Variants in PLA2G2F observed in about 807,000 individuals in gnomAD.
The protein encoded by PLA2G2F is phospholipase A2 group IIF.
Under a neutral mutation model 15.9 loss-of-function variants are expected in PLA2G2F, and 17 were observed. That is an observed-to-expected ratio of 1.07 (90% CI 0.73 to 1.60). The LOEUF (loss-of-function observed/expected upper bound fraction) is 1.60. Ranked by LOEUF, PLA2G2F falls within the 40% of genes most tolerant of loss-of-function variation. The probability of loss-of-function intolerance (pLI) is 0.00; values close to 1 mark genes in which losing one functional copy is unlikely to be tolerated. For synonymous variants in PLA2G2F, 119 were observed against 106.5 expected, an observed-to-expected ratio of 1.12 and a Z score of -0.72; for missense variants, 299 against 278.2, an observed-to-expected ratio of 1.07 and a Z score of -0.53.
intron 4 of PLA2G2F, among the ~76,000 whole-genome samples, chr1:20,147,957 C>G (rs1352549817): frequency 6.6e-6 from 1 of 152,118 alleles, no homozygotes; most frequent in Non-Finnish European, 1.5e-5. Context: ...TTACTATGCA[C>G]CAGAGTCCCC....
Position 20,145,603 on chromosome 1 carries a change from T to A in PLA2G2F, c.424+914T>A, listed in dbSNP as rs72970763. Among the ~76,000 whole-genome samples, 1,453 of 145,664 alleles carry A rather than the reference T, an allele frequency of 1.0e-2. 20 individuals are homozygous for A. Among genetic ancestry groups the A allele is most frequent in the African/African-American group, 0.034 (1,349 of 39,634 alleles). On this transcript the variant is annotated intron_variant, in intron 4 of 4. Coordinates refer to ENST00000375102, the MANE Select transcript of PLA2G2F (RefSeq NM_022819.4). ...CCAAACATGTACTGTTTACCTGAAATTTTAATTAATTAATTAATTAATTAA... is the reference window on the plus strand; with the variant it reads ...CCAAACATGTACTGTTTACCTGAAAATTTAATTAATTAATTAATTAATTAA...
intron 4 of PLA2G2F, among the ~76,000 whole-genome samples, chr1:20,147,691 C>A (rs1355552363): frequency 6.6e-6 from 1 of 152,150 alleles, no homozygotes; most frequent in Non-Finnish European, 1.5e-5. Context: ...CTCAGGTGAT[C>A]CACCTGTCTT....
chr1:20,145,406 C>T (rs1219395292), intron 4 of PLA2G2F, among the ~76,000 whole-genome samples: 2 of 151,778 alleles, frequency 1.3e-5, no homozygotes, highest in African/African-American at 4.8e-5. Context: ...TTCAGCCTCC[C>T]AAGTAGCTGG....
At position 20,148,225 on chromosome 1, in the gene PLA2G2F, T is replaced by C. The variant is rs2017652154; in HGVS notation, c.460T>C (p.Cys154Arg). The C allele has an allele frequency of 3.1e-6, 5 of 1,613,786 alleles. No individual in the cohort carries two copies. The African/African-American group carries it at 4.0e-5, about 13-fold the overall frequency. ...CAAGACAGAGTGTGACAAGCAGACATGCATGTGTGACAAGAACATGGTTCT... is the reference window on the plus strand; with the variant it reads ...CAAGACAGAGTGTGACAAGCAGACACGCATGTGTGACAAGAACATGGTTCT... ...LNKTECDKQT[C>R]MCDKNMVLCL... The change falls in exon 5 of 5, where the codon TGC becomes CGC. Residue 154 changes from cysteine (C) to arginine (R), a missense_variant. Cys to Arg is a radical substitution (Grantham distance 180). Coordinates refer to ENST00000375102, the MANE Select transcript of PLA2G2F (RefSeq NM_022819.4).
In PLA2G2F at chr1:20,148,422, G is replaced by C. The variant is rs373759433; in HGVS notation, c.*21G>C. On this transcript the variant is annotated 3_prime_UTR_variant, in exon 5 of 5. Coordinates refer to ENST00000375102, the MANE Select transcript of PLA2G2F (RefSeq NM_022819.4). Reference sequence around the variant, plus strand: ...CCTAGAGCCTCTGAGGTTTGAGAGAGAGAGCGGGAGGAGGGTCTGGCTTGG... The same window carrying C: ...CCTAGAGCCTCTGAGGTTTGAGAGACAGAGCGGGAGGAGGGTCTGGCTTGG... 1.9e-6 allele frequency: 3 copies of C among 1,590,962 alleles called. No individual in the cohort carries two copies. The South Asian group carries it at 3.3e-5, about 18-fold the overall frequency.
At chr1:20,140,278 C>A (rs2017432580) in intron 2 of PLA2G2F, 60 bp downstream of exon 2, 1 of 1,573,148 alleles carries the variant, frequency 6.4e-7, no homozygotes, top group Non-Finnish European at 8.7e-7. Context: ...TCTCCCGTGA[C>A]CTTGGGCGCC....
chr1:20,143,345 A>G, intron 2 of PLA2G2F, 101 bp from the exon 3 acceptor site: 1 of 1,384,564 alleles, frequency 7.2e-7, no homozygotes, highest in East Asian at 2.4e-5. Flanking sequence ...CACCTACCCT[A>G]GGTATTGGGA....
In PLA2G2F at chr1:20,145,437, A is replaced by T. The variant is rs545658778; in HGVS notation, c.424+748A>T. The stretch of plus-strand genomic sequence containing the variant: ...GCTGGGACTACAGGTGCATGCCACC[A>T]TGCCCAGCTACTTTTTAAATTTTTA... On this transcript the variant is annotated intron_variant, in intron 4 of 4. Transcript: ENST00000375102. 2.1e-3 allele frequency among the ~76,000 whole-genome samples: 322 copies of T among 152,074 alleles called. 1 individual carries two copies. The highest frequency in any genetic ancestry group is 7.5e-3 in the African/African-American group (310 of 41,478).
rs2017549426 is a variant in PLA2G2F, at chr1:20,144,676, T to TGA, written c.414_415dup (p.Ile139ArgfsTer2). 6.2e-7 allele frequency: 1 copy of TGA among 1,603,440 alleles called. No homozygotes were observed. Among genetic ancestry groups the TGA allele is most frequent in the Non-Finnish European group, 8.5e-7 (1 of 1,174,076 alleles). On this transcript the variant is annotated frameshift_variant, in exon 4 of 5. Coordinates refer to ENST00000375102, the MANE Select transcript of PLA2G2F (RefSeq NM_022819.4). LOFTEE classifies it low-confidence loss of function (END_TRUNC). ...ATGATCACACCATCGAGAACAACAC[T>TGA]GAGATAGTCTGCAGTGAGTCCCTCC...
rs937475061 is a variant in PLA2G2F at position 20,146,446 on chromosome 1, C to G, written c.425-1744C>G. Among the ~76,000 whole-genome samples the G allele has an allele frequency of 2.0e-5, 3 of 152,324 alleles. No homozygotes were observed. The South Asian group carries it at 6.2e-4, about 32-fold the overall frequency. ...GGCGGGTTCCTTCATTTACCATGAACTTGCTGTGGCTATTTCCCAACTGAG... is the reference window on the plus strand; with the variant it reads ...GGCGGGTTCCTTCATTTACCATGAAGTTGCTGTGGCTATTTCCCAACTGAG... On this transcript the variant is annotated intron_variant, in intron 4 of 4. Coordinates refer to ENST00000375102, the MANE Select transcript of PLA2G2F (RefSeq NM_022819.4).
chr1:20,144,300 C>T (rs1569898092), intron 3 of PLA2G2F, among the ~76,000 whole-genome samples: 1 of 152,164 alleles, frequency 6.6e-6, no homozygotes, highest in East Asian at 1.9e-4. Flanking sequence ...TGGGGGAAAG[C>T]TGGGAGCCCT....
chr1:20,145,281 T>C (rs1351095325), intron 4 of PLA2G2F, among the ~76,000 whole-genome samples: 4 of 151,204 alleles, frequency 2.6e-5, no homozygotes, highest in African/African-American at 9.8e-5. Flanking sequence ...TACTAAAACA[T>C]GTATTTTTTT....
At chr1:20,141,920 A>T (rs2017482388) in intron 2 of PLA2G2F, 1 of 152,224 alleles carries the variant, frequency 6.6e-6, no homozygotes, top group African/African-American at 2.4e-5. Context: ...ACAGAGCCCC[A>T]GGGAGTCCCA....
chr1:20,144,852 G>A (rs1050898266), intron 4 of PLA2G2F, among the ~76,000 whole-genome samples, 163 bp downstream of exon 4: 4 of 152,162 alleles, frequency 2.6e-5, no homozygotes, highest in African/African-American at 9.7e-5. Context: ...CGAGGCGGGC[G>A]GATCACTTGA....
At chr1:20,142,002 G>C (rs1270686009) in intron 2 of PLA2G2F, 1 of 152,288 alleles carries the variant, frequency 6.6e-6, no homozygotes, top group Non-Finnish European at 1.5e-5. Flanking sequence ...GCACATTGAG[G>C]TGGTGAGTTC....
intron 4 of PLA2G2F, among the ~76,000 whole-genome samples, chr1:20,145,037 G>A (rs1267741579): frequency 2.0e-5 from 3 of 152,182 alleles, no homozygotes; most frequent in African/African-American, 7.2e-5. Context: ...AAGATCGCAC[G>A]CCACTGCATT....
rs2100689228 is a variant in PLA2G2F, at chr1:20,139,496, G to A, written c.69G>A (p.Gly23=). 1 of 1,581,002 alleles carries A rather than the reference G, an allele frequency of 6.3e-7. No homozygotes were observed. Residue 23 remains glycine, a synonymous_variant, in exon 1 of 5, where the codon GGG becomes GGA. Transcript: ENST00000375102. ...KKKVLDRCFS[G]WRGPRFGASC... is the part of the protein sequence containing the mutation. ...AGGTGCTGGATAGATGCTTCTCTGGGTGGAGGGGCCCACGCTTCGGGGCCT... is the reference window on the plus strand; with the variant it reads ...AGGTGCTGGATAGATGCTTCTCTGGATGGAGGGGCCCACGCTTCGGGGCCT...
At chr1:20,146,650 A>G (rs530646484) in intron 4 of PLA2G2F, among the ~76,000 whole-genome samples, 1 of 152,300 alleles carries the variant, frequency 6.6e-6, no homozygotes, top group South Asian at 2.1e-4. Flanking sequence ...TTAATAGCTC[A>G]CAAGCAACGC....
rs763874877 is a variant in PLA2G2F at position 20,148,261 on chromosome 1, A to G, written c.496A>G (p.Asn166Asp). ...CDKNMVLCLM[N>D]QTYREEYRGF... The stretch of plus-strand genomic sequence containing the variant: ...CAAGAACATGGTTCTGTGCCTCATG[A>G]ACCAGACGTACCGAGAGGAGTACCG... Residue 166 changes from asparagine (N) to aspartate (D), a missense_variant, in exon 5 of 5, where the codon AAC (asparagine) becomes GAC (aspartate). Transcript: ENST00000375102. 1.2e-6 allele frequency: 2 copies of G among 1,613,936 alleles called. No individual in the cohort carries two copies. Among genetic ancestry groups the G allele is most frequent in the African/African-American group, 2.7e-5 (2 of 74,878 alleles).
Sources: gnomAD v4.1 joint callset for allele counts (sites outside exome capture counted in the v4.1 genomes callset) on GRCh38, gnomAD v4.1.1 for gene constraint, MANE v1.5 for transcripts, NCBI Gene and HGNC (gene_info 2026-07-23, HGNC 2026-07-21) for gene names.